Variants in LARGE1 observed in about 807,000 individuals in gnomAD.
LARGE1 encodes xylosyl- and glucuronyltransferase LARGE1.
A neutral mutation model predicts 87.6 loss-of-function variants in LARGE1; 43 were observed. The ratio of observed to expected loss-of-function variants is 0.49; its 90% CI spans 0.38 to 0.63. LARGE1 has a LOEUF of 0.63. Among genes scored for constraint, LARGE1 ranks in the 30% least tolerant of loss-of-function variants. The probability of loss-of-function intolerance (pLI) is 0.00; values close to 1 mark genes in which losing one functional copy is unlikely to be tolerated. For synonymous variants in LARGE1, 434 were observed against 394.6 expected (o/e 1.10, Z -1.18); for missense variants, 802 against 1,000.2 (o/e 0.80, Z 2.67).
chr22:33,485,439 A>G (rs2069533367), intron 6 of LARGE1, among the ~76,000 whole-genome samples: 1 of 151,504 alleles, frequency 6.6e-6, no homozygotes, highest in Non-Finnish European at 1.5e-5. Flanking sequence ...GTCTTGAACT[A>G]CCGACCTCAG....
chr22:33,857,906 C>A (rs1185209162), intron 1 of LARGE1, among the ~76,000 whole-genome samples: 1 of 152,148 alleles, frequency 6.6e-6, no homozygotes, highest in African/African-American at 2.4e-5. Flanking sequence ...GTTCCTTGCT[C>A]CCAAGTTGGA....
intron 1 of LARGE1, among the ~76,000 whole-genome samples, chr22:33,826,587 C>T (rs925710022): frequency 6.6e-6 from 1 of 152,016 alleles, no homozygotes; most frequent in African/African-American, 2.4e-5. Flanking sequence ...GTGATCCGCC[C>T]GCCTCGGCCT....
intron 6 of LARGE1, among the ~76,000 whole-genome samples, chr22:33,434,402 G>A (rs948001210): frequency 6.6e-6 from 1 of 152,226 alleles, no homozygotes; most frequent in Admixed American, 6.5e-5. Flanking sequence ...CCGGGTTCAA[G>A]TAACTCCCCT....
chr22:33,296,395 T>G (rs1343444768), intron 12 of LARGE1, among the ~76,000 whole-genome samples: 3 of 152,156 alleles, frequency 2.0e-5, no homozygotes, highest in Non-Finnish European at 4.4e-5. Context: ...AAGATTAAAA[T>G]AGTTCCCTGG....
intron 12 of LARGE1, among the ~76,000 whole-genome samples, chr22:33,290,766 C>T (rs1423604628): frequency 1.3e-5 from 2 of 152,100 alleles, no homozygotes; most frequent in Admixed American, 6.6e-5. Context: ...CAGCTAGGCG[C>T]GGTGGCTCAC....
At chr22:33,199,858 C>CA (rs1924283679) in intron 11 of LARGE1, among the ~76,000 whole-genome samples, 1 of 110,844 alleles carries the variant, frequency 9.0e-6, no homozygotes, top group East Asian at 2.4e-4. Context: ...TTTTTTTTTT[C>CA]TTTTTTTTTG....
chr22:33,397,259 G>C (rs1196896792), intron 7 of LARGE1, among the ~76,000 whole-genome samples: 1 of 152,126 alleles, frequency 6.6e-6, no homozygotes, highest in Non-Finnish European at 1.5e-5. Flanking sequence ...GGGATAACAG[G>C]CATGTGCCAC....
At chr22:33,335,548 T>A (rs1938340211) in intron 10 of LARGE1, among the ~76,000 whole-genome samples, 1 of 152,126 alleles carries the variant, frequency 6.6e-6, no homozygotes, top group South Asian at 2.1e-4. Context: ...ACATCCAAAA[T>A]AACTATAAAA....
chr22:33,382,218 G>A (rs1266811309), intron 8 of LARGE1, among the ~76,000 whole-genome samples, 174 bp from the exon 9 acceptor site: 2 of 152,144 alleles, frequency 1.3e-5, no homozygotes. Context: ...TAGGAACCAA[G>A]CAATAATGTT....
the LARGE1 span, among the ~76,000 whole-genome samples, chr22:33,146,220 G>A: frequency 6.6e-6 from 1 of 152,196 alleles, no homozygotes; most frequent in Non-Finnish European, 1.5e-5. Flanking sequence ...GTGGTACCTG[G>A]AGACAGAAGG....
At chr22:33,597,736 G>A (rs1407793339) in intron 5 of LARGE1, among the ~76,000 whole-genome samples, 2 of 152,292 alleles carry the variant, frequency 1.3e-5, no homozygotes, top group South Asian at 2.1e-4. Flanking sequence ...CTGCCCTGCC[G>A]CTTCCCTTCC....
At chr22:33,092,259 CT>C in the LARGE1 span, among the ~76,000 whole-genome samples, 1 of 144,132 alleles carries the variant, frequency 6.9e-6, no homozygotes, top group Non-Finnish European at 1.5e-5. Flanking sequence ...TTTTTTTTTT[CT>C]ATTTTCTTCA....
At chr22:33,865,131 G>A (rs374752273) in intron 1 of LARGE1, among the ~76,000 whole-genome samples, 1 of 152,194 alleles carries the variant, frequency 6.6e-6, no homozygotes, top group South Asian at 2.1e-4. Flanking sequence ...CGTCTGTGCA[G>A]GACAAGCTCC....
chr22:33,303,816 G>C (rs967876314), intron 12 of LARGE1, among the ~76,000 whole-genome samples: 1 of 151,010 alleles, frequency 6.6e-6, no homozygotes, highest in South Asian at 2.1e-4. Context: ...GTAGGGGGGG[G>C]GTTTCACCAT....
chr22:33,673,952 G>A (rs958824760), intron 2 of LARGE1, among the ~76,000 whole-genome samples: 1 of 120,526 alleles, frequency 8.3e-6, no homozygotes, highest in Non-Finnish European at 1.7e-5. Context: ...TGGGTTACAC[G>A]ACCACGCCCA....
the LARGE1 span, among the ~76,000 whole-genome samples, chr22:33,078,952 G>A: frequency 1.3e-5 from 2 of 152,164 alleles, no homozygotes; most frequent in Admixed American, 6.6e-5. Flanking sequence ...GTGAAACTAC[G>A]TAACACCTTA....
In LARGE1 at chr22:33,274,481, G is replaced by C. The variant is rs1406330296; in HGVS notation, c.2217C>G (p.Ser739=). The C allele has an allele frequency of 1.9e-6, 3 of 1,614,052 alleles. No homozygotes were observed. In the African/African-American group the frequency reaches 4.0e-5, roughly 22 times the overall value. The change falls in exon 15 of 15, where the codon TCC becomes TCG. Residue 739 remains serine, a synonymous_variant. Transcript: ENST00000397394. ...TCAGGGCAGCAAAGCCGTAGCGGCGGGACATGTCCTGCTGAAACTCTTCCT... is the reference window on the plus strand; with the variant it reads ...TCAGGGCAGCAAAGCCGTAGCGGCGCGACATGTCCTGCTGAAACTCTTCCT... ...TLKEEFQQDM[S]RRYGFAALKY...
intron 6 of LARGE1, among the ~76,000 whole-genome samples, chr22:33,481,393 C>T (rs929199998): frequency 2.0e-5 from 3 of 151,914 alleles, no homozygotes; most frequent in Admixed American, 6.6e-5. Flanking sequence ...ACATTCATGT[C>T]TGTGGGCCAT....
chr22:33,754,961 C>A (rs1021147505), intron 2 of LARGE1, among the ~76,000 whole-genome samples: 1 of 152,154 alleles, frequency 6.6e-6, no homozygotes, highest in Admixed American at 6.5e-5. Flanking sequence ...CATGTCTGGA[C>A]AAACCCTCCT....
Sources: allele counts gnomAD v4.1 joint callset (sites outside exome capture counted in the v4.1 genomes callset), GRCh38; gene constraint gnomAD v4.1.1; transcripts MANE v1.5; gene names NCBI Gene and HGNC (gene_info 2026-07-23, HGNC 2026-07-21).